The following EFNA5 variants were observed in gnomAD, a reference collection of about 807,000 sequenced individuals.
EFNA5 encodes ephrin A5, also known as ephrin-A5.
Under a neutral mutation model 22.9 loss-of-function variants are expected in EFNA5, and 5 were observed. The observed-to-expected ratio is 0.22, with a 90% confidence interval of 0.11 to 0.46. The LOEUF is 0.46. Among genes scored for constraint, EFNA5 ranks in the 20% least tolerant of loss-of-function variants. EFNA5 has a pLI of 0.99. For synonymous variants in EFNA5, 113 were observed against 112.2 expected (o/e 1.01, Z -0.04); for missense variants, 237 against 293.3 (o/e 0.81, Z 1.40).
At chr5:107,651,226 T>G (rs1750723197) in intron 1 of EFNA5, among the ~76,000 whole-genome samples, 1 of 152,140 alleles carries the variant, frequency 6.6e-6, no homozygotes, top group Non-Finnish European at 1.5e-5. Context: ...AAATCAGTTT[T>G]CTCAGCAGCA....
Position 107,584,596 on chromosome 5 carries a change from C to T in EFNA5, c.125+85893G>A, listed in dbSNP as rs77153038. 2.1e-3 allele frequency among the ~76,000 whole-genome samples: 324 copies of T among 152,296 alleles called. 2 individuals carry two copies. The highest frequency in any genetic ancestry group is 7.0e-3 in the African/African-American group (292 of 41,554). ...CCAGTCTGTCTTCTGTTGTGCAAAA[C>T]TCAACCATTAAGAAATTTAATGGGC... On this transcript the variant is annotated intron_variant, in intron 1 of 4. Coordinates refer to ENST00000333274, the MANE Select transcript of EFNA5 (RefSeq NM_001962.3).
At chr5:107,417,023 A>T (rs567760906) in intron 2 of EFNA5, among the ~76,000 whole-genome samples, 1 of 152,290 alleles carries the variant, frequency 6.6e-6, no homozygotes, top group Admixed American at 6.5e-5. Context: ...AAAATCAGAC[A>T]AAGCAAATTT....
chr5:107,387,669 T>C (rs1451572282), intron 3 of EFNA5, 37 bp downstream of exon 3: 1 of 1,530,922 alleles, frequency 6.5e-7, no homozygotes, highest in Non-Finnish European at 9.0e-7. Context: ...GCATGCGCGG[T>C]GAAGCCACCC....
At chr5:107,411,164 G>A (rs753986816) in intron 2 of EFNA5, among the ~76,000 whole-genome samples, 1 of 152,080 alleles carries the variant, frequency 6.6e-6, no homozygotes, top group African/African-American at 2.4e-5. Context: ...ATTGACCTCT[G>A]CCCCTGTTGC....
At chr5:107,591,908 TATAAAAAATA>T (rs1749344932) in intron 1 of EFNA5, among the ~76,000 whole-genome samples, 6 of 18,884 alleles carry the variant, frequency 3.2e-4, no homozygotes, top group African/African-American at 1.6e-3. Context: ...TAATATATAA[TATAAAAAATA>T]TATATATAAT....
chr5:107,624,045 A>G (rs1159868242), intron 1 of EFNA5, among the ~76,000 whole-genome samples: 1 of 152,034 alleles, frequency 6.6e-6, no homozygotes, highest in African/African-American at 2.4e-5. Context: ...AAATATGCAG[A>G]GTTAAGACCC....
At chr5:107,636,939 G>A (rs1188951884) in intron 1 of EFNA5, among the ~76,000 whole-genome samples, 1 of 152,162 alleles carries the variant, frequency 6.6e-6, no homozygotes, top group African/African-American at 2.4e-5. Context: ...AGCATTTCAG[G>A]TTTAAATCAA....
intron 1 of EFNA5, among the ~76,000 whole-genome samples, chr5:107,435,575 G>C (rs1387493333): frequency 6.6e-6 from 1 of 152,100 alleles, no homozygotes; most frequent in East Asian, 1.9e-4. Flanking sequence ...AGGTGTGAAG[G>C]CTGAATGAGA....
At chr5:107,522,222 T>G (rs956860982) in intron 1 of EFNA5, among the ~76,000 whole-genome samples, 1 of 152,242 alleles carries the variant, frequency 6.6e-6, no homozygotes, top group Non-Finnish European at 1.5e-5. Context: ...GGGATAATAA[T>G]GCTACATGTA....
intron 1 of EFNA5, among the ~76,000 whole-genome samples, chr5:107,632,753 C>T (rs1750285483): frequency 6.6e-6 from 1 of 152,194 alleles, no homozygotes; most frequent in Admixed American, 6.5e-5. Flanking sequence ...GGCTGTGTCT[C>T]AAACACTCTC....
chr5:107,495,725 CAAATT>C (rs958626583), intron 1 of EFNA5, among the ~76,000 whole-genome samples: 2 of 152,146 alleles, frequency 1.3e-5, no homozygotes, highest in Non-Finnish European at 2.9e-5. Context: ...AGGAAAAAAA[CAAATT>C]AAACAACATT....
chr5:107,572,892 T>C (rs141794575), intron 1 of EFNA5, among the ~76,000 whole-genome samples: 127 of 152,304 alleles, frequency 8.3e-4, no homozygotes, highest in African/African-American at 2.7e-3. Context: ...CCCTTCAGAA[T>C]TGGTGCATTC....
intron 1 of EFNA5, among the ~76,000 whole-genome samples, chr5:107,648,732 T>C (rs911257804): frequency 3.3e-5 from 5 of 152,130 alleles, no homozygotes; most frequent in South Asian, 2.1e-4. Context: ...TACTGACTAA[T>C]TGTAACTTCA....
chr5:107,429,217 C>T (rs1360419538), intron 1 of EFNA5, among the ~76,000 whole-genome samples: 2 of 152,150 alleles, frequency 1.3e-5, no homozygotes, highest in South Asian at 2.1e-4. Flanking sequence ...CTGGGGCAGG[C>T]GGATCACTTG....
chr5:107,670,051 A>C (rs1751156843), intron 1 of EFNA5, among the ~76,000 whole-genome samples: 1 of 148,212 alleles, frequency 6.7e-6, no homozygotes. Context: ...AAAAAAAAAA[A>C]AAAACTTTGG....
intron 1 of EFNA5, among the ~76,000 whole-genome samples, chr5:107,661,797 AC>A (rs773081854): frequency 1.1e-4 from 17 of 152,240 alleles, no homozygotes; most frequent in Non-Finnish European, 2.4e-4. Context: ...ACTGACATCT[AC>A]AAAATATAAA....
At chr5:107,447,194 C>G (rs1487356248) in intron 1 of EFNA5, among the ~76,000 whole-genome samples, 1 of 152,172 alleles carries the variant, frequency 6.6e-6, no homozygotes, top group Non-Finnish European at 1.5e-5. Flanking sequence ...AGGGTGACAA[C>G]AGAGGAACAC....
chr5:107,616,557 A>G (rs570028438), intron 1 of EFNA5, among the ~76,000 whole-genome samples: 1 of 152,294 alleles, frequency 6.6e-6, no homozygotes, highest in South Asian at 2.1e-4. Context: ...TTTTTAAAAA[A>G]TAATAAATAA....
chr5:107,494,479 C>G (rs1412281845), intron 1 of EFNA5, among the ~76,000 whole-genome samples: 1 of 152,204 alleles, frequency 6.6e-6, no homozygotes, highest in East Asian at 1.9e-4. Flanking sequence ...GCTGCCTTCC[C>G]GTGGGGCTGG....
Sources: gnomAD v4.1 joint callset for allele counts (sites outside exome capture counted in the v4.1 genomes callset) on GRCh38, gnomAD v4.1.1 for gene constraint, MANE v1.5 for transcripts, NCBI Gene and HGNC (gene_info 2026-07-23, HGNC 2026-07-21) for gene names.